ITPR1: variants seen among roughly 807,000 people sequenced by gnomAD.
ITPR1 encodes the protein inositol 1,4,5-trisphosphate receptor type 1, also known as inositol 1,4,5-trisphosphate-gated calcium channel ITPR1.
In ITPR1, 96 loss-of-function variants were observed where a neutral mutation model predicts 318.4. That is an observed-to-expected ratio of 0.30 (90% confidence interval 0.26 to 0.36). ITPR1 has a LOEUF of 0.36. ITPR1 is among the 10% of genes least tolerant of loss of function. The pLI is 1.00. For synonymous variants in ITPR1, 1,312 were observed against 1,289.9 expected (o/e 1.02, Z -0.37); for missense variants, 2,440 against 3,460.2 (o/e 0.71, Z 7.40).
chr3:4,656,933 A>G (rs73807108), intron 12 of ITPR1, among the ~76,000 whole-genome samples: 19,715 of 152,004 alleles, frequency 0.13, 3,081 homozygotes, highest in African/African-American at 0.37. Flanking sequence ...TTCTGAGCAG[A>G]CTCCTTGTCT....
chr3:4,800,090 A>G, intron 53 of ITPR1: 1 of 320,446 alleles, frequency 3.1e-6, no homozygotes, highest in Non-Finnish European at 5.7e-6. Context: ...GGATGACTGG[A>G]AGCAGGGAGT....
intron 26 of ITPR1, among the ~76,000 whole-genome samples, chr3:4,681,624 A>AGTCTGTGT (rs373511110): frequency 6.9e-6 from 1 of 145,788 alleles, no homozygotes; most frequent in Non-Finnish European, 1.5e-5. Context: ...AGAGAGAGAA[A>AGTCTGTGT]GTGTGTGTGT....
At chr3:4,522,759 G>C (rs1470344598) in intron 4 of ITPR1, among the ~76,000 whole-genome samples, 1 of 152,204 alleles carries the variant, frequency 6.6e-6, no homozygotes, top group Non-Finnish European at 1.5e-5. Context: ...AAGATCAATT[G>C]ACTGTGCCAG....
chr3:4,841,462 C>T lies in ITPR1; in HGVS notation c.8190+4527C>T, dbSNP rs138636263. ...GCAGTATGGTCTGGTTAATTCCGTT[C>T]CTTCTTTCAGCCAACACATATGAAA... On this transcript the variant is annotated intron_variant, in intron 61 of 61. Coordinates refer to ENST00000649015, the MANE Select transcript of ITPR1 (RefSeq NM_001378452.1). Among the ~76,000 whole-genome samples the T allele has an allele frequency of 2.4e-3, 366 of 152,330 alleles. 8 individuals carry two copies. Among genetic ancestry groups the T allele is most frequent in the Admixed American group, 0.021 (317 of 15,300 alleles).
chr3:4,680,136 A>G (rs758905945), intron 24 of ITPR1, among the ~76,000 whole-genome samples: 4 of 152,256 alleles, frequency 2.6e-5, no homozygotes, highest in Non-Finnish European at 4.4e-5. Context: ...CTAATTTTCC[A>G]TAGTAAAAAA....
chr3:4,578,274 C>T (rs935477604), intron 4 of ITPR1, among the ~76,000 whole-genome samples: 1 of 152,026 alleles, frequency 6.6e-6, no homozygotes, highest in Non-Finnish European at 1.5e-5. Flanking sequence ...TTTTCTGCCA[C>T]TTTTTTTATT....
Position 4,686,715 on chromosome 3 carries a change from C to T in ITPR1, c.3702+1509C>T, listed in dbSNP as rs549368658. Among the ~76,000 whole-genome samples, 23 of 152,330 alleles carry T rather than the reference C, an allele frequency of 1.5e-4. 1 individual carries two copies. The South Asian group carries it at 4.6e-3, about 30-fold the overall frequency. On this transcript the variant is annotated intron_variant, in intron 30 of 61. Transcript: ENST00000649015. ...GGTGGAGGAATCCCCCACAGGTAATCTCTTGTGACTTGATGTCTTTGGGGC... is the reference window on the plus strand; with the variant it reads ...GGTGGAGGAATCCCCCACAGGTAATTTCTTGTGACTTGATGTCTTTGGGGC...
intron 4 of ITPR1, among the ~76,000 whole-genome samples, chr3:4,567,655 G>A (rs1416746802): frequency 6.6e-6 from 1 of 152,012 alleles, no homozygotes; most frequent in Non-Finnish European, 1.5e-5. Flanking sequence ...ACCCAGGCTG[G>A]AGTGCATGCT....
chr3:4,645,602 T>C lies in ITPR1; in HGVS notation c.729T>C (p.Phe243=), dbSNP rs2093436571. Residue 243 remains phenylalanine (F), a synonymous_variant, in exon 10 of 62, where the codon TTT becomes TTC. Coordinates refer to ENST00000649015, the MANE Select transcript of ITPR1 (RefSeq NM_001378452.1). The part of the protein sequence containing the change: ...ILKGGDVVRL[F]HAEQEKFLTC... ...GTCAGGGTGACGTGGTGAGGCTGTT[T>C]CATGCTGAGCAGGAGAAGTTTCTCA... The C allele has an allele frequency of 6.2e-7, 1 of 1,613,668 alleles. No homozygotes were observed. Among genetic ancestry groups the C allele is most frequent in the Non-Finnish European group, 8.5e-7 (1 of 1,179,780 alleles).
intron 4 of ITPR1, among the ~76,000 whole-genome samples, chr3:4,575,953 G>A (rs1346407813): frequency 1.3e-5 from 2 of 151,594 alleles, no homozygotes; most frequent in East Asian, 1.9e-4. Context: ...CCGGGAGGTC[G>A]AGGCTGCAGT....
At chr3:4,496,091 G>A (rs1450123891) in intron 2 of ITPR1, among the ~76,000 whole-genome samples, 1 of 152,170 alleles carries the variant, frequency 6.6e-6, no homozygotes, top group African/African-American at 2.4e-5. Context: ...CATTATGTAA[G>A]TTAAGCATTA....
At chr3:4,605,719 A>G (rs1248090796) in intron 4 of ITPR1, among the ~76,000 whole-genome samples, 1 of 152,200 alleles carries the variant, frequency 6.6e-6, no homozygotes, top group Non-Finnish European at 1.5e-5. Context: ...GTAAATTTGC[A>G]GTTGTCTCCA....
chr3:4,659,086 C>T (rs2125186182), intron 13 of ITPR1, among the ~76,000 whole-genome samples: 1 of 152,252 alleles, frequency 6.6e-6, no homozygotes, highest in Non-Finnish European at 1.5e-5. Flanking sequence ...GTTTAAGACA[C>T]ATAGGGTTAT....
chr3:4,667,641 G>T (rs1346063509), intron 18 of ITPR1, 92 bp downstream of exon 18: 18 of 1,262,494 alleles, frequency 1.4e-5, no homozygotes, highest in Middle Eastern at 5.7e-4. Context: ...TCCTTGTGCT[G>T]CTAGTGACAA....
At chr3:4,798,889 A>G (rs2048051912) in intron 53 of ITPR1, among the ~76,000 whole-genome samples, 1 of 152,216 alleles carries the variant, frequency 6.6e-6, no homozygotes, top group South Asian at 2.1e-4. Flanking sequence ...GTGCAAAGCT[A>G]TAGGGACTGA....
intron 4 of ITPR1, among the ~76,000 whole-genome samples, chr3:4,524,229 G>A (rs981891168): frequency 6.6e-5 from 10 of 151,210 alleles, no homozygotes; most frequent in Middle Eastern, 6.8e-3. Flanking sequence ...CTTCTCCACC[G>A]TGGAACTTGG....
chr3:4,555,248 C>T (rs2086008044), intron 4 of ITPR1, among the ~76,000 whole-genome samples: 1 of 152,132 alleles, frequency 6.6e-6, no homozygotes, highest in African/African-American at 2.4e-5. Flanking sequence ...GAGGAAACTA[C>T]CTTAGGTGTT....
At chr3:4,698,501 A>G (rs757673111) in intron 34 of ITPR1, among the ~76,000 whole-genome samples, 9 of 152,066 alleles carry the variant, frequency 5.9e-5, no homozygotes, top group Non-Finnish European at 7.3e-5. Flanking sequence ...TCTGTAAAGG[A>G]CCAGATCGTA....
intron 60 of ITPR1, among the ~76,000 whole-genome samples, chr3:4,824,110 G>A (rs1254581234): frequency 6.6e-6 from 1 of 152,138 alleles, no homozygotes; most frequent in Non-Finnish European, 1.5e-5. Context: ...CGACTAACGT[G>A]GACAGTGAAA....
Sources: gnomAD v4.1 joint callset for allele counts (sites outside exome capture counted in the v4.1 genomes callset) on GRCh38, gnomAD v4.1.1 for gene constraint, MANE v1.5 for transcripts, NCBI Gene and HGNC (gene_info 2026-07-23, HGNC 2026-07-21) for gene names.